The following MEIS2 variants were observed in gnomAD, a reference collection of about 807,000 sequenced individuals.
MEIS2 encodes the protein homeobox protein Meis2.
A neutral mutation model predicts 58.6 loss-of-function variants in MEIS2; 9 were observed. That is an observed-to-expected ratio of 0.15 (90% confidence interval 0.09 to 0.27). The LOEUF is 0.27. MEIS2 is among the 10% of genes least tolerant of loss of function. The pLI, the probability that MEIS2 is intolerant of heterozygous loss-of-function variation, is 1.00. For missense variants in MEIS2, 427 were observed against 635.0 expected, an observed-to-expected ratio of 0.67 and a Z score of 3.52; for synonymous variants, 221 against 228.4, an observed-to-expected ratio of 0.97 and a Z score of 0.29.
chr15:36,892,553 AAC>A (rs2055930250), intron 11 of MEIS2, 94 bp from the exon 12 acceptor site: 1 of 1,028,570 alleles, frequency 9.7e-7, no homozygotes, highest in Non-Finnish European at 1.4e-6. Context: ...AAAAAAAAAC[AAC>A]AGACACTGCA....
At chr15:37,035,072 CA>C (rs1189784962) in intron 8 of MEIS2, among the ~76,000 whole-genome samples, 1 of 151,970 alleles carries the variant, frequency 6.6e-6, no homozygotes, top group Non-Finnish European at 1.5e-5. Context: ...TATTTTCGAC[CA>C]AGAAAGACCA....
rs117581886 is a variant in MEIS2 at position 36,901,447 on chromosome 15, G to T, written c.978-4761C>A. Among the ~76,000 whole-genome samples the T allele has an allele frequency of 1.2e-3, 188 of 152,278 alleles. 2 individuals carry two copies. In the East Asian group the frequency reaches 0.034, roughly 28 times the overall value. ...TGCCTTTGAAGATGAACTTGGGCAC[G>T]CAAATGATGGAGTCATGTCGCAGAC... On this transcript the variant is annotated intron_variant, in intron 9 of 11. Transcript: ENST00000561208.
At chr15:36,946,704 G>A (rs1412619901) in intron 9 of MEIS2, among the ~76,000 whole-genome samples, 1 of 151,904 alleles carries the variant, frequency 6.6e-6, no homozygotes, top group East Asian at 1.9e-4. Flanking sequence ...AGCATGCAGA[G>A]TTTCTTAAAG....
At chr15:37,047,371 C>A (rs1259518475) in intron 7 of MEIS2, among the ~76,000 whole-genome samples, 1 of 152,128 alleles carries the variant, frequency 6.6e-6, no homozygotes, top group African/African-American at 2.4e-5. Context: ...GCCCTAAACA[C>A]AGAAGGCTGC....
At chr15:37,025,705 C>T (rs921604404) in intron 8 of MEIS2, among the ~76,000 whole-genome samples, 2 of 138,226 alleles carry the variant, frequency 1.4e-5, no homozygotes, top group South Asian at 2.3e-4. Context: ...GGTACAAGTA[C>T]ATAAGGACCA....
chr15:37,078,361 TATC>T (rs1236911587), intron 7 of MEIS2, among the ~76,000 whole-genome samples: 2 of 151,506 alleles, frequency 1.3e-5, no homozygotes, highest in Admixed American at 6.6e-5. Flanking sequence ...TTTGACTTAT[TATC>T]GAGATTTTAC....
chr15:36,993,083 C>T (rs972599425), intron 8 of MEIS2, among the ~76,000 whole-genome samples: 5 of 151,972 alleles, frequency 3.3e-5, no homozygotes, highest in African/African-American at 9.7e-5. Flanking sequence ...CTTCAAAAAA[C>T]GGCAGCAAAA....
intron 7 of MEIS2, among the ~76,000 whole-genome samples, chr15:37,037,800 C>T (rs1046240163): frequency 9.2e-5 from 14 of 152,202 alleles, no homozygotes; most frequent in African/African-American, 2.7e-4. Context: ...CATACGAGCA[C>T]GTCTTCCTGT....
intron 6 of MEIS2, among the ~76,000 whole-genome samples, chr15:37,089,661 T>C (rs1893293849): frequency 6.6e-6 from 1 of 152,188 alleles, no homozygotes; most frequent in South Asian, 2.1e-4. Context: ...CTCTACTGAA[T>C]TCTTTCAAAT....
intron 7 of MEIS2, among the ~76,000 whole-genome samples, chr15:37,079,783 A>G (rs1336170284): frequency 1.3e-5 from 2 of 152,186 alleles, no homozygotes; most frequent in Admixed American, 1.3e-4. Context: ...GGTAGGTGGC[A>G]GAGTTAGGGA....
intron 8 of MEIS2, among the ~76,000 whole-genome samples, chr15:36,951,029 A>G (rs2058732770): frequency 6.6e-6 from 1 of 152,156 alleles, no homozygotes; most frequent in Non-Finnish European, 1.5e-5. Flanking sequence ...ACACCCAATG[A>G]TCACACAGCA....
chr15:37,066,405 T>C (rs796793302), intron 7 of MEIS2: 17 of 152,262 alleles, frequency 1.1e-4, no homozygotes, highest in African/African-American at 4.1e-4. Context: ...ATGCAAAAGG[T>C]AAAGAACAAG....
intron 9 of MEIS2, among the ~76,000 whole-genome samples, chr15:36,912,923 C>G (rs569846018): frequency 1.3e-5 from 2 of 152,130 alleles, no homozygotes; most frequent in South Asian, 4.2e-4. Flanking sequence ...ACCCGTCCCT[C>G]AGGCTGTGGA....
At chr15:37,085,819 G>A (rs1892811597) in intron 6 of MEIS2, among the ~76,000 whole-genome samples, 1 of 152,130 alleles carries the variant, frequency 6.6e-6, no homozygotes. Context: ...ATCTAAGTTA[G>A]AAACCACTCC....
intron 6 of MEIS2, among the ~76,000 whole-genome samples, chr15:37,093,331 C>T (rs189567895): frequency 1.1e-3 from 170 of 152,282 alleles, no homozygotes; most frequent in African/African-American, 3.9e-3. Context: ...GAAAACTTTA[C>T]ACATTAAGAG....
chr15:37,083,034 GC>G (rs1311754191), intron 7 of MEIS2, among the ~76,000 whole-genome samples: 2 of 152,120 alleles, frequency 1.3e-5, no homozygotes, highest in Non-Finnish European at 2.9e-5. Context: ...ATTCAATAAT[GC>G]ATCTTCCTTT....
At chr15:37,067,363 C>T (rs957625253) in intron 7 of MEIS2, among the ~76,000 whole-genome samples, 2 of 151,956 alleles carry the variant, frequency 1.3e-5, no homozygotes, top group Non-Finnish European at 2.9e-5. Flanking sequence ...TCACCTTATG[C>T]CTTCCACCAA....
chr15:37,002,148 A>G (rs2060750656), intron 8 of MEIS2, among the ~76,000 whole-genome samples: 1 of 152,014 alleles, frequency 6.6e-6, no homozygotes, highest in Non-Finnish European at 1.5e-5. Context: ...TGCCCTCCCA[A>G]CATCATTTCC....
At chr15:37,041,834 TA>T (rs1017310111) in intron 7 of MEIS2, among the ~76,000 whole-genome samples, 16 of 151,692 alleles carry the variant, frequency 1.1e-4, no homozygotes, top group African/African-American at 3.6e-4. Flanking sequence ...AAAAAAAGCT[TA>T]AAAAAAAGAA....
Sources: allele counts gnomAD v4.1 joint callset (sites outside exome capture counted in the v4.1 genomes callset), GRCh38; gene constraint gnomAD v4.1.1; transcripts MANE v1.5; gene names NCBI Gene and HGNC (gene_info 2026-07-23, HGNC 2026-07-21).